GRM5: variants seen among roughly 807,000 people sequenced by gnomAD.
The protein encoded by GRM5 is metabotropic glutamate receptor 5.
GRM5 carries 19 observed loss-of-function variants against 83.1 expected under a neutral mutation model. That is an observed-to-expected ratio of 0.23 (90% confidence interval 0.16 to 0.34). The LOEUF is 0.34. GRM5 is among the 10% of genes least tolerant of loss of function. The pLI is 1.00. For missense variants in GRM5, 1,160 were observed against 1,588.3 expected (o/e 0.73, Z 4.58); for synonymous variants, 675 against 633.6 (o/e 1.07, Z -0.98).
chr11:88,871,610 T>C (rs1424436602), intron 2 of GRM5, among the ~76,000 whole-genome samples: 2 of 151,510 alleles, frequency 1.3e-5, no homozygotes, highest in Non-Finnish European at 3.0e-5. Flanking sequence ...ATTTATGGAA[T>C]GCAAATTCTA....
chr11:88,907,061 A>G (rs912956835), intron 2 of GRM5, among the ~76,000 whole-genome samples: 1 of 151,542 alleles, frequency 6.6e-6, no homozygotes, highest in African/African-American at 2.4e-5. Flanking sequence ...GGAAGCAGAT[A>G]CCCAAGTTCA....
chr11:88,623,858 G>A (rs147617748), intron 4 of GRM5, among the ~76,000 whole-genome samples: 13 of 152,202 alleles, frequency 8.5e-5, no homozygotes, highest in African/African-American at 2.6e-4. Context: ...GTACATCCAG[G>A]TGGTGGGGGT....
At chr11:88,601,642 A>G (rs896848836) in intron 5 of GRM5, among the ~76,000 whole-genome samples, 9 of 152,172 alleles carry the variant, frequency 5.9e-5, no homozygotes, top group African/African-American at 1.9e-4. Flanking sequence ...CAAACCCCAC[A>G]ATATAATGTT....
At chr11:88,717,921 G>A (rs931419010) in intron 3 of GRM5, among the ~76,000 whole-genome samples, 9 of 151,758 alleles carry the variant, frequency 5.9e-5, no homozygotes, top group Admixed American at 3.9e-4. Flanking sequence ...ATCTATTAAT[G>A]TAGTAGGATT....
intron 3 of GRM5, among the ~76,000 whole-genome samples, chr11:88,726,919 C>T (rs12281340): frequency 0.58 from 88,580 of 152,000 alleles, 27,868 homozygotes; most frequent in South Asian, 0.8. Flanking sequence ...AAACCAGTAC[C>T]GGCCACTGCA....
intron 9 of GRM5, among the ~76,000 whole-genome samples, chr11:88,519,352 G>C (rs767492921): frequency 6.6e-6 from 1 of 152,042 alleles, no homozygotes; most frequent in Non-Finnish European, 1.5e-5. Context: ...AGAAGCAGAA[G>C]GAATGATGGT....
intron 7 of GRM5, among the ~76,000 whole-genome samples, chr11:88,568,366 G>A (rs1942916079): frequency 6.6e-6 from 1 of 152,116 alleles, no homozygotes; most frequent in Non-Finnish European, 1.5e-5. Flanking sequence ...CCTACAATAG[G>A]AATGAGCAAA....
At chr11:88,765,483 G>A (rs1349213029) in intron 3 of GRM5, among the ~76,000 whole-genome samples, 1 of 150,820 alleles carries the variant, frequency 6.6e-6, no homozygotes, top group Non-Finnish European at 1.5e-5. Context: ...GTAACAGTGT[G>A]GTTTTAGCAT....
chr11:88,774,113 C>T (rs1942797771), intron 3 of GRM5, among the ~76,000 whole-genome samples: 1 of 152,102 alleles, frequency 6.6e-6, no homozygotes, highest in African/African-American at 2.4e-5. Context: ...TTGTTCATGT[C>T]CTCTTTTATT....
At chr11:88,961,715 A>G (rs1938788946) in intron 2 of GRM5, among the ~76,000 whole-genome samples, 1 of 152,088 alleles carries the variant, frequency 6.6e-6, no homozygotes, top group African/African-American at 2.4e-5. Context: ...TTTCAATTTT[A>G]TCATAAATTT....
intron 8 of GRM5, among the ~76,000 whole-genome samples, chr11:88,560,926 C>G (rs1412637432): frequency 2.6e-5 from 4 of 152,054 alleles, no homozygotes; most frequent in Non-Finnish European, 4.4e-5. Flanking sequence ...ATATGGAATA[C>G]ATAATAAATG....
chr11:88,647,742 G>A (rs1036481058), intron 4 of GRM5, among the ~76,000 whole-genome samples: 1 of 152,022 alleles, frequency 6.6e-6, no homozygotes. Context: ...GAAAATTTTT[G>A]CAACCTATTG....
intron 1 of GRM5, among the ~76,000 whole-genome samples, chr11:89,059,337 T>C (rs1203685071): frequency 6.6e-6 from 1 of 152,208 alleles, no homozygotes; most frequent in Non-Finnish European, 1.5e-5. Context: ...ATTATTTTGA[T>C]TTCTGATTAT....
chr11:88,592,841 C>G (rs976726623), intron 6 of GRM5, among the ~76,000 whole-genome samples: 1 of 152,082 alleles, frequency 6.6e-6, no homozygotes, highest in Non-Finnish European at 1.5e-5. Flanking sequence ...GAGACAGAGT[C>G]TTGCATTGTT....
chr11:88,658,650 A>G (rs1939828184), intron 3 of GRM5, among the ~76,000 whole-genome samples: 1 of 152,212 alleles, frequency 6.6e-6, no homozygotes, highest in Non-Finnish European at 1.5e-5. Flanking sequence ...TCAATAAATA[A>G]TTGACCAACA....
chr11:88,731,330 T>C (rs1565205555), intron 3 of GRM5, among the ~76,000 whole-genome samples: 1 of 152,074 alleles, frequency 6.6e-6, no homozygotes, highest in Non-Finnish European at 1.5e-5. Context: ...CATTACTTAG[T>C]ATTATTCTAC....
At position 88,649,916 on chromosome 11, in the gene GRM5, T is replaced by C. The variant is rs537653767; in HGVS notation, c.1147+3252A>G. Among the ~76,000 whole-genome samples, 4 of 151,918 alleles carry C rather than the reference T, an allele frequency of 2.6e-5. No individual in the cohort carries two copies. The South Asian group carries it at 8.3e-4, about 31-fold the overall frequency. On this transcript the variant is annotated intron_variant, in intron 4 of 9. Transcript: ENST00000305447. ...ATATAAAACTATTGATCACCTATGA[T>C]AATCATAACACAGTCCTGTGGTATA...
chr11:88,978,868 A>G (rs1314610162), intron 2 of GRM5, among the ~76,000 whole-genome samples: 1 of 152,178 alleles, frequency 6.6e-6, no homozygotes, highest in East Asian at 1.9e-4. Context: ...ACACACATTC[A>G]GTGAGTGGAA....
intron 2 of GRM5, among the ~76,000 whole-genome samples, chr11:88,914,869 A>T (rs2135617466): frequency 6.6e-6 from 1 of 152,334 alleles, no homozygotes; most frequent in Admixed American, 6.5e-5. Context: ...AGAAATTAAA[A>T]GTCAAATGAA....
Sources: allele counts gnomAD v4.1 joint callset (sites outside exome capture counted in the v4.1 genomes callset), GRCh38; gene constraint gnomAD v4.1.1; transcripts MANE v1.5; gene names NCBI Gene and HGNC (gene_info 2026-07-23, HGNC 2026-07-21).